The following MAPRE2 variants were observed in gnomAD, a reference collection of about 807,000 sequenced individuals.
MAPRE2 encodes the protein microtubule-associated protein RP/EB family member 2.
Under a neutral mutation model 43.2 loss-of-function variants are expected in MAPRE2, and 13 were observed. The observed-to-expected ratio is 0.30, with a 90% CI of 0.20 to 0.48. The LOEUF is 0.48. Ranked by LOEUF, MAPRE2 falls within the 20% of genes least tolerant of loss-of-function variation. The probability of loss-of-function intolerance (pLI) is 0.99; values close to 1 mark genes in which losing one functional copy is unlikely to be tolerated. For missense variants in MAPRE2, 161 were observed against 400.2 expected (o/e 0.40, Z 5.10); for synonymous variants, 135 against 148.8 (o/e 0.91, Z 0.68).
chr18:35,114,431 A>AT (rs1235160969), intron 4 of MAPRE2, among the ~76,000 whole-genome samples: 1 of 152,206 alleles, frequency 6.6e-6, no homozygotes, highest in African/African-American at 2.4e-5. Context: ...GAGAGTTACT[A>AT]TACTGTAGAG....
chr18:35,021,977 A>G (rs1451003946), intron 2 of MAPRE2, among the ~76,000 whole-genome samples: 1 of 152,184 alleles, frequency 6.6e-6, no homozygotes, highest in Admixed American at 6.5e-5. Context: ...CAGAAGAGTG[A>G]TCACCTGAAT....
intron 2 of MAPRE2, among the ~76,000 whole-genome samples, chr18:35,078,020 C>A (rs2144121219): frequency 6.6e-6 from 1 of 152,146 alleles, no homozygotes; most frequent in East Asian, 1.9e-4. Flanking sequence ...TCTTTTCTCC[C>A]TTTCAGTTTA....
At chr18:35,111,672 C>T (rs1909181840) in intron 4 of MAPRE2, among the ~76,000 whole-genome samples, 1 of 152,208 alleles carries the variant, frequency 6.6e-6, no homozygotes, top group Non-Finnish European at 1.5e-5. Context: ...TAGCCTCAGG[C>T]CTGTCTGTGC....
At chr18:35,136,740 G>A (rs1195462939) in intron 6 of MAPRE2, among the ~76,000 whole-genome samples, 1 of 152,274 alleles carries the variant, frequency 6.6e-6, no homozygotes, top group East Asian at 1.9e-4. Flanking sequence ...GCTTCCTGAT[G>A]GGCCTTCCTC....
chr18:35,112,467 G>A lies in MAPRE2; in HGVS notation c.610+10308G>A, dbSNP rs555805326. Among the ~76,000 whole-genome samples, 17 of 152,158 alleles carry A rather than the reference G, an allele frequency of 1.1e-4. 1 individual carries two copies. Among genetic ancestry groups the A allele is most frequent in the Admixed American group, 4.6e-4 (7 of 15,270 alleles). The stretch of plus-strand genomic sequence containing the variant: ...ATTACAGGCGTGAGCTACCACACCC[G>A]GCAGAACATTGTTTCTTTTACCCAA... On this transcript the variant is annotated intron_variant, in intron 4 of 6. Coordinates refer to ENST00000300249, the MANE Select transcript of MAPRE2 (RefSeq NM_014268.4).
At chr18:35,024,268 G>A (rs938214839) in intron 2 of MAPRE2, among the ~76,000 whole-genome samples, 5 of 152,068 alleles carry the variant, frequency 3.3e-5, no homozygotes, top group African/African-American at 9.7e-5. Context: ...CTTTGTCCTC[G>A]TTCCTAAAGG....
At chr18:35,094,491 A>G (rs1219723242) in intron 2 of MAPRE2, among the ~76,000 whole-genome samples, 1 of 152,204 alleles carries the variant, frequency 6.6e-6, no homozygotes, top group Admixed American at 6.5e-5. Context: ...ATCTAAGTAC[A>G]TGTATTAGGA....
At chr18:35,061,571 G>T (rs182170902) in intron 1 of MAPRE2, among the ~76,000 whole-genome samples, 1 of 152,148 alleles carries the variant, frequency 6.6e-6, no homozygotes, top group Admixed American at 6.5e-5. Context: ...AATAAAATAC[G>T]TGCAGGTCTG....
intron 2 of MAPRE2, among the ~76,000 whole-genome samples, chr18:35,024,974 C>T (rs921933675): frequency 6.6e-6 from 1 of 152,134 alleles, no homozygotes; most frequent in Non-Finnish European, 1.5e-5. Context: ...TTGGGAAACA[C>T]TAGAGGGTTA....
At chr18:35,020,674 C>G (rs1482118869) in intron 2 of MAPRE2, among the ~76,000 whole-genome samples, 7 of 152,004 alleles carry the variant, frequency 4.6e-5, no homozygotes, top group African/African-American at 1.4e-4. Flanking sequence ...CCACTCTTGC[C>G]TCCTACTCAA....
rs371295110 is a variant in MAPRE2, at chr18:35,015,198, C to G, written c.-8+9645C>G. Among the ~76,000 whole-genome samples, 4 of 152,018 alleles carry G rather than the reference C, an allele frequency of 2.6e-5. No individual in the cohort carries two copies. The East Asian group carries it at 5.8e-4, about 22-fold the overall frequency. ...CTGCCATCAACAAGTTGGTGATAGC[C>G]TAGGGATTCTGGTCCTGGTGAGGTT... is the stretch of plus-strand genomic sequence containing the variant. On this transcript the variant is annotated intron_variant, in intron 2 of 7. Coordinates refer to the MAPRE2 transcript ENST00000413393.
chr18:35,136,692 TG>T (rs1910406752), intron 6 of MAPRE2, among the ~76,000 whole-genome samples: 1 of 152,100 alleles, frequency 6.6e-6, no homozygotes, highest in South Asian at 2.1e-4. Flanking sequence ...GGCTGCAGGG[TG>T]GTGCCTTCCA....
intron 2 of MAPRE2, chr18:35,005,606 A>C: frequency 9.0e-7 from 1 of 1,116,378 alleles, no homozygotes; most frequent in Non-Finnish European, 1.3e-6. Flanking sequence ...AATTAATTTA[A>C]AGTGAGTAGT....
At chr18:35,046,849 C>G (rs988399842) in intron 1 of MAPRE2, among the ~76,000 whole-genome samples, 1 of 152,168 alleles carries the variant, frequency 6.6e-6, no homozygotes, top group Non-Finnish European at 1.5e-5. Context: ...GAGACTGGTA[C>G]TTAGCCCAGA....
chr18:35,107,943 G>A (rs1483367014), intron 4 of MAPRE2, among the ~76,000 whole-genome samples: 1 of 151,592 alleles, frequency 6.6e-6, no homozygotes, highest in African/African-American at 2.4e-5. Flanking sequence ...TCTATTACTA[G>A]ATGTATATGT....
intron 2 of MAPRE2, among the ~76,000 whole-genome samples, chr18:35,019,999 T>C (rs1393175148): frequency 6.6e-6 from 1 of 152,172 alleles, no homozygotes; most frequent in East Asian, 1.9e-4. Flanking sequence ...TTCTGAGTTC[T>C]GTAAAATCAG....
chr18:35,099,339 G>A (rs750208351), intron 3 of MAPRE2, among the ~76,000 whole-genome samples: 5 of 152,206 alleles, frequency 3.3e-5, no homozygotes, highest in Non-Finnish European at 5.9e-5. Context: ...TTGAGGCTGA[G>A]CACAGTGGCT....
At chr18:35,099,177 C>T (rs567405997) in intron 3 of MAPRE2, among the ~76,000 whole-genome samples, 108 of 152,236 alleles carry the variant, frequency 7.1e-4, no homozygotes, top group African/African-American at 2.6e-3. Flanking sequence ...TCATGTCTGG[C>T]AATAGACAAA....
In MAPRE2 at chr18:35,123,214, G is replaced by A. The variant is rs572923980; in HGVS notation, c.611-3734G>A. On this transcript the variant is annotated intron_variant, in intron 4 of 6. Coordinates refer to ENST00000300249, the MANE Select transcript of MAPRE2 (RefSeq NM_014268.4). ...TCAAACATTTCAGTTTTTTTTTCAA[G>A]CTCTGTTTGATAATACCCTGAGAAT... Among the ~76,000 whole-genome samples the A allele has an allele frequency of 1.7e-4, 26 of 152,186 alleles. 1 individual carries two copies. The South Asian group carries it at 5.4e-3, about 32-fold the overall frequency.
Sources: gnomAD v4.1 joint callset for allele counts (sites outside exome capture counted in the v4.1 genomes callset) on GRCh38, gnomAD v4.1.1 for gene constraint, MANE v1.5 for transcripts, NCBI Gene and HGNC (gene_info 2026-07-23, HGNC 2026-07-21) for gene names.